The following GRIN2A variants were observed in gnomAD, a reference collection of about 807,000 sequenced individuals.
GRIN2A encodes glutamate receptor ionotropic, NMDA 2A.
Under a neutral mutation model 113.4 loss-of-function variants are expected in GRIN2A, and 22 were observed. The observed-to-expected ratio is 0.19, with a 90% CI of 0.14 to 0.28. The LOEUF (loss-of-function observed/expected upper bound fraction) is 0.28. Among genes scored for constraint, GRIN2A ranks in the 10% least tolerant of loss-of-function variants. GRIN2A has a pLI of 1.00. For missense variants in GRIN2A, 1,502 were observed against 1,887.0 expected, an observed-to-expected ratio of 0.80 and a Z score of 3.78; for synonymous variants, 827 against 738.4, an observed-to-expected ratio of 1.12 and a Z score of -1.94.
At chr16:9,934,759 T>C (rs1229830023) in intron 3 of GRIN2A, among the ~76,000 whole-genome samples, 3 of 151,022 alleles carry the variant, frequency 2.0e-5, no homozygotes, top group Admixed American at 2.0e-4. Context: ...TTGGCCTTTC[T>C]CTAGCTCCCT....
At chr16:9,789,049 C>T (rs1238138676) in intron 11 of GRIN2A, among the ~76,000 whole-genome samples, 1 of 152,134 alleles carries the variant, frequency 6.6e-6, no homozygotes, top group Non-Finnish European at 1.5e-5. Context: ...GCCTTCTCTG[C>T]CCTTCTTATC....
chr16:10,034,671 G>T lies in GRIN2A; in HGVS notation c.415-96120C>A, dbSNP rs552256222. ...GTGTCACTCATCTTTAATAGTCCCA[G>T]GTGGAAGAAAACTGGTCTATCTATT... On this transcript the variant is annotated intron_variant, in intron 2 of 12. Transcript: ENST00000330684. Among the ~76,000 whole-genome samples, 8 of 146,320 alleles carry T rather than the reference G, an allele frequency of 5.5e-5. No individual in the cohort carries two copies. The South Asian group carries it at 1.4e-3, about 25-fold the overall frequency.
At chr16:10,025,243 T>G (rs1331245976) in intron 2 of GRIN2A, among the ~76,000 whole-genome samples, 1 of 150,254 alleles carries the variant, frequency 6.7e-6, no homozygotes, top group Non-Finnish European at 1.5e-5. Flanking sequence ...CTCTGGGGTT[T>G]AACGAAAGGT....
chr16:9,987,871 C>G (rs2046009293), intron 2 of GRIN2A, among the ~76,000 whole-genome samples: 2 of 152,166 alleles, frequency 1.3e-5, no homozygotes, highest in East Asian at 3.9e-4. Context: ...CAAAAGCCAA[C>G]ATCTTTCCAG....
intron 2 of GRIN2A, among the ~76,000 whole-genome samples, chr16:10,072,323 G>A (rs1158792608): frequency 1.3e-5 from 2 of 152,210 alleles, no homozygotes; most frequent in African/African-American, 2.4e-5. Context: ...TTATAAGAGT[G>A]AAGCATCAAC....
At chr16:10,165,787 G>C (rs1365039093) in intron 2 of GRIN2A, among the ~76,000 whole-genome samples, 1 of 137,666 alleles carries the variant, frequency 7.3e-6, no homozygotes, top group Admixed American at 7.2e-5. Context: ...GAAGAGAGGA[G>C]TGGAGAAGGG....
intron 2 of GRIN2A, among the ~76,000 whole-genome samples, chr16:10,068,271 T>C (rs965723069): frequency 2.0e-5 from 3 of 152,238 alleles, no homozygotes; most frequent in African/African-American, 7.2e-5. Flanking sequence ...TGTTCTTGCA[T>C]TGCTATAAAG....
chr16:9,785,866 G>T (rs1902202670), intron 11 of GRIN2A, among the ~76,000 whole-genome samples: 1 of 152,140 alleles, frequency 6.6e-6, no homozygotes, highest in South Asian at 2.1e-4. Flanking sequence ...ATAGGCAAGG[G>T]CAATAGAGCA....
At chr16:10,145,841 AC>A (rs1159375074) in intron 2 of GRIN2A, among the ~76,000 whole-genome samples, 1 of 152,248 alleles carries the variant, frequency 6.6e-6, no homozygotes, top group Non-Finnish European at 1.5e-5. Context: ...AACTTTATTT[AC>A]AAAGACAGGT....
intron 2 of GRIN2A, among the ~76,000 whole-genome samples, chr16:10,084,348 A>C (rs1319958806): frequency 6.6e-6 from 1 of 152,026 alleles, no homozygotes; most frequent in African/African-American, 2.4e-5. Context: ...TACAGAGCAA[A>C]CCCCTTTTCA....
At chr16:9,775,369 T>C (rs796256364) in intron 11 of GRIN2A, among the ~76,000 whole-genome samples, 2 of 152,236 alleles carry the variant, frequency 1.3e-5, no homozygotes, top group South Asian at 4.1e-4. Context: ...TTTGTTTTTT[T>C]TCTTTACTCA....
intron 2 of GRIN2A, among the ~76,000 whole-genome samples, chr16:10,063,174 G>A (rs1486720802): frequency 6.6e-6 from 1 of 152,088 alleles, no homozygotes; most frequent in African/African-American, 2.4e-5. Context: ...GCTAAACACT[G>A]GGTATACATG....
At chr16:10,044,874 G>A (rs531633694) in intron 2 of GRIN2A, among the ~76,000 whole-genome samples, 9 of 152,094 alleles carry the variant, frequency 5.9e-5, no homozygotes, top group Non-Finnish European at 7.4e-5. Context: ...GGTACAAGGC[G>A]AGCATTCAAA....
chr16:9,899,029 C>T (rs150417725), intron 3 of GRIN2A, among the ~76,000 whole-genome samples: 274 of 152,170 alleles, frequency 1.8e-3, no homozygotes, highest in African/African-American at 6.3e-3. Context: ...TGTCTTTTGA[C>T]GGCAGCACCT....
intron 2 of GRIN2A, among the ~76,000 whole-genome samples, chr16:10,044,072 C>A (rs1345070808): frequency 7.4e-6 from 1 of 134,466 alleles, no homozygotes; most frequent in Non-Finnish European, 1.6e-5. Context: ...GAGACAGAGA[C>A]AGAGAGTGCC....
At chr16:9,896,302 G>T (rs2043805934) in intron 3 of GRIN2A, among the ~76,000 whole-genome samples, 1 of 152,182 alleles carries the variant, frequency 6.6e-6, no homozygotes, top group African/African-American at 2.4e-5. Flanking sequence ...ACCTGCCTTG[G>T]CCTCCCAAAG....
At position 9,798,483 on chromosome 16, in the gene GRIN2A, AG is replaced by A. The variant is rs1239355950; in HGVS notation, c.2169-20del. On this transcript the variant is annotated intron_variant, in intron 10 of 12. Coordinates refer to ENST00000330684, the MANE Select transcript of GRIN2A (RefSeq NM_001134407.3). ...CAGCTTCCTGAAATGACAAGAAACC[AG>A]GGGGTCATAGGGGTGGCCAGGTACC... 1 of 1,608,420 alleles carries A rather than the reference AG, an allele frequency of 6.2e-7. No homozygotes were observed. The highest frequency in any genetic ancestry group is 1.7e-5 in the Admixed American group (1 of 59,984).
In GRIN2A at chr16:9,891,009, T is replaced by C. The variant is rs2141481795; in HGVS notation, c.1099A>G (p.Asn367Asp). The change falls in exon 4 of 13, where the codon AAC becomes GAC. Residue 367 changes from asparagine to aspartate, a missense_variant. By Grantham distance (23) the Asn-to-Asp change is conservative. Around this residue, in one of 7 missense-constraint regions of GRIN2A, gnomAD observed 334 missense variants for 403.0 expected, o/e 0.83. Transcript: ENST00000330684. Reference protein sequence around the residue: ...VHPRLVVIVLNKDREWEKVGK... With the variant: ...VHPRLVVIVLDKDREWEKVGK... ...ACCTTTTCCCATTCCCGGTCTTTGT[T>C]CAGCACAATCACCACCAGCCTGGGG... The C allele has an allele frequency of 1.2e-6, 2 of 1,610,824 alleles. No homozygotes were observed. Among genetic ancestry groups the C allele is most frequent in the Non-Finnish European group, 1.7e-6 (2 of 1,177,002 alleles).
At chr16:10,058,257 A>T (rs1425108877) in intron 2 of GRIN2A, among the ~76,000 whole-genome samples, 1 of 151,666 alleles carries the variant, frequency 6.6e-6, no homozygotes, top group African/African-American at 2.4e-5. Flanking sequence ...CTGTCTCAAA[A>T]AAAACCAAAA....
Sources: allele counts gnomAD v4.1 joint callset (sites outside exome capture counted in the v4.1 genomes callset), GRCh38; gene constraint gnomAD v4.1.1; regional missense constraint gnomAD v4.1.1; transcripts MANE v1.5; gene names NCBI Gene and HGNC (gene_info 2026-07-23, HGNC 2026-07-21).